Variants in SLC25A30 observed in about 807,000 individuals in gnomAD.
SLC25A30 encodes kidney mitochondrial carrier protein 1.
A neutral mutation model predicts 42.7 loss-of-function variants in SLC25A30; 29 were observed. The ratio of observed to expected loss-of-function variants is 0.68; its 90% CI spans 0.51 to 0.93. The LOEUF is 0.93. Ranked by LOEUF, SLC25A30 falls within the 40% of genes least tolerant of loss-of-function variation. The pLI, the probability that SLC25A30 is intolerant of heterozygous loss-of-function variation, is 0.00. For missense variants in SLC25A30, 300 were observed against 359.7 expected (o/e 0.83, Z 1.34); for synonymous variants, 124 against 131.0 (o/e 0.95, Z 0.37).
upstream of SLC25A30, among the ~76,000 whole-genome samples, chr13:45,419,130 T>TAAAAAAA (rs374462224): frequency 1.1e-5 from 1 of 90,538 alleles, no homozygotes; most frequent in African/African-American, 5.2e-5. Context: ...TACTCCCTCT[T>TAAAAAAA]AAAAAAAAAA....
Position 45,398,984 on chromosome 13 carries a change from C to T in SLC25A30, c.709G>A (p.Gly237Ser). 6.2e-7 allele frequency: 1 copy of T among 1,614,114 alleles called. No homozygotes were observed. Among genetic ancestry groups the T allele is most frequent in the Admixed American group, 1.7e-5 (1 of 60,010 alleles). The stretch of plus-strand genomic sequence containing the variant: ...GTTCCTGTGTAGCCAGAACATCTGC[C>T]ATCTCGAAGCACTCTCTGATTCATC... ...RMMNQRVLRDGRCSGYTGTLD... is the reference protein window; with the variant it reads ...RMMNQRVLRDSRCSGYTGTLD... Residue 237 changes from glycine (G) to serine (S), a missense_variant, in exon 8 of 10, where the codon GGC becomes AGC. Coordinates refer to ENST00000519676, the MANE Select transcript of SLC25A30 (RefSeq NM_001010875.4).
chr13:45,402,184 C>A, intron 6 of SLC25A30, 91 bp downstream of exon 6: 1 of 953,428 alleles, frequency 1.0e-6, no homozygotes, highest in Non-Finnish European at 1.6e-6. Context: ...TCCATTACGA[C>A]ACTTGGATTA....
At chr13:45,415,709 G>A (rs1190153869) in intron 1 of SLC25A30, among the ~76,000 whole-genome samples, 1 of 143,206 alleles carries the variant, frequency 7.0e-6, no homozygotes. Context: ...CCAAGATGGC[G>A]CCACTGCACT....
the SLC25A30 span, among the ~76,000 whole-genome samples, chr13:45,423,867 TA>T: frequency 1.5e-5 from 1 of 68,472 alleles, no homozygotes; most frequent in East Asian, 3.6e-4. Flanking sequence ...TATAAATATA[TA>T]TAAAATATAT....
In SLC25A30 at chr13:45,395,131, G is replaced by A. The variant is rs114897486; in HGVS notation, c.*843C>T. On this transcript the variant is annotated 3_prime_UTR_variant, in exon 10 of 10. Coordinates refer to ENST00000519676, the MANE Select transcript of SLC25A30 (RefSeq NM_001010875.4). ...AGTCAAGTAGCAGCAGCTACTATTTGTTCTTCATTTGACCCTCTACATCAA... is the reference window on the plus strand; with the variant it reads ...AGTCAAGTAGCAGCAGCTACTATTTATTCTTCATTTGACCCTCTACATCAA... 2.9e-4 allele frequency: 287 copies of A among 985,368 alleles called. 2 individuals carry two copies. In the African/African-American group the frequency reaches 3.5e-3, roughly 12 times the overall value. 61.0% of individuals were successfully genotyped at this position (985,368 alleles called of 1,614,324 possible).
At position 45,402,765 on chromosome 13, in the gene SLC25A30, C is replaced by T. The variant is rs867545992; in HGVS notation, c.394-395G>A. 1.7e-5 allele frequency: 17 copies of T among 985,300 alleles called. No homozygotes were observed. The African/African-American group carries it at 3.0e-4, about 17-fold the overall frequency. The allele number at this position is 985,300 out of a possible 1,614,324, so 61.0% of individuals were successfully genotyped here. ...ATGAGTTATCCAGTGTACCTGGCAG[C>T]ACGAAGCACAGGCAAGCATAGTTCT... On this transcript the variant is annotated intron_variant, in intron 5 of 9. Transcript: ENST00000519676.
upstream of SLC25A30, among the ~76,000 whole-genome samples, chr13:45,422,875 G>T (rs1279487284): frequency 6.6e-6 from 1 of 152,070 alleles, no homozygotes; most frequent in Admixed American, 6.6e-5. Flanking sequence ...CTCTTGCTAA[G>T]CCCTTCTCAT....
chr13:45,413,878 G>A (rs189488732), intron 1 of SLC25A30, among the ~76,000 whole-genome samples: 1 of 152,222 alleles, frequency 6.6e-6, no homozygotes, highest in East Asian at 1.9e-4. Context: ...AATGAGATTT[G>A]GCTACTTTTT....
intron 5 of SLC25A30, among the ~76,000 whole-genome samples, chr13:45,403,681 T>C (rs998495074): frequency 6.6e-6 from 1 of 152,192 alleles, no homozygotes; most frequent in African/African-American, 2.4e-5. Context: ...CTCACACCTG[T>C]AATCCCAGCA....
At chr13:45,404,581 T>C (rs1882319731) in intron 4 of SLC25A30, among the ~76,000 whole-genome samples, 169 bp from the exon 5 acceptor site, 1 of 152,200 alleles carries the variant, frequency 6.6e-6, no homozygotes, top group African/African-American at 2.4e-5. Context: ...CACTTTGGGA[T>C]ACCAAGGTGG....
chr13:45,412,361 T>C (rs1332307345), intron 1 of SLC25A30, among the ~76,000 whole-genome samples: 1 of 152,144 alleles, frequency 6.6e-6, no homozygotes, highest in Non-Finnish European at 1.5e-5. Flanking sequence ...CCCAAAGTGC[T>C]GGGAAAAGAG....
chr13:45,398,827 T>G (rs1382991702), intron 8 of SLC25A30, 113 bp downstream of exon 8: 2 of 1,187,138 alleles, frequency 1.7e-6, no homozygotes, highest in African/African-American at 3.1e-5. Context: ...TGTACATCTC[T>G]GGGCTTTAAA....
chr13:45,424,455 A>G, the SLC25A30 span, among the ~76,000 whole-genome samples: 172 of 74,296 alleles, frequency 2.3e-3, 10 homozygotes, highest in African/African-American at 9.8e-3. Context: ...AAAAATATAT[A>G]AACATATAAA....
At chr13:45,424,468 T>C in the SLC25A30 span, among the ~76,000 whole-genome samples, 8 of 68,166 alleles carry the variant, frequency 1.2e-4, no homozygotes, top group African/African-American at 1.7e-4. Flanking sequence ...CATATAAAAA[T>C]ATATAAATAT....
chr13:45,424,843 T>TATATATAA, the SLC25A30 span, among the ~76,000 whole-genome samples: 1 of 51,440 alleles, frequency 1.9e-5, no homozygotes, highest in Admixed American at 3.7e-4. Context: ...TATATAAAAA[T>TATATATAA]ATATATAAAT....
chr13:45,405,855 C>T, intron 4 of SLC25A30, 28 bp downstream of exon 4: 3 of 1,606,126 alleles, frequency 1.9e-6, no homozygotes, highest in Non-Finnish European at 2.6e-6. Context: ...ACCTCCTGTC[C>T]ACAGTGGAAA....
At chr13:45,399,760 T>C (rs1003282920) in intron 7 of SLC25A30, among the ~76,000 whole-genome samples, 2 of 152,138 alleles carry the variant, frequency 1.3e-5, no homozygotes, top group African/African-American at 4.8e-5. Flanking sequence ...ATCATAATTA[T>C]ATCATTTCCT....
At chr13:45,427,723 C>T in the SLC25A30 span, among the ~76,000 whole-genome samples, 6 of 150,738 alleles carry the variant, frequency 4.0e-5, no homozygotes, top group African/African-American at 1.5e-4. Flanking sequence ...GAAGTTTTCC[C>T]TTGGCCCCCT....
intron 6 of SLC25A30, among the ~76,000 whole-genome samples, chr13:45,401,465 C>T (rs1881974220): frequency 6.6e-6 from 1 of 152,134 alleles, no homozygotes; most frequent in South Asian, 2.1e-4. Flanking sequence ...TCAGAGCCTC[C>T]AGTTTCCTTC....
Sources: gnomAD v4.1 joint callset for allele counts (sites outside exome capture counted in the v4.1 genomes callset) on GRCh38, gnomAD v4.1.1 for gene constraint, MANE v1.5 for transcripts, NCBI Gene and HGNC (gene_info 2026-07-23, HGNC 2026-07-21) for gene names.